The following DPP10 variants were observed in gnomAD, a reference collection of about 807,000 sequenced individuals.
The protein encoded by DPP10 is dipeptidyl peptidase like 10.
DPP10 carries 33 observed loss-of-function variants against 120.9 expected under a neutral mutation model. The ratio of observed to expected loss-of-function variants is 0.27; its 90% CI spans 0.21 to 0.37. The LOEUF is 0.37. Among genes scored for constraint, DPP10 ranks in the 10% least tolerant of loss-of-function variants. The probability of loss-of-function intolerance (pLI) is 1.00; values close to 1 mark genes in which losing one functional copy is unlikely to be tolerated. For synonymous variants in DPP10, 337 were observed against 326.1 expected (o/e 1.03, Z -0.36); for missense variants, 816 against 942.8 (o/e 0.87, Z 1.76).
chr2:114,690,279 T>G (rs1290084657), intron 1 of DPP10, among the ~76,000 whole-genome samples: 1 of 151,872 alleles, frequency 6.6e-6, no homozygotes, highest in East Asian at 1.9e-4. Flanking sequence ...AGGAACTGGT[T>G]TAGTTTCAGT....
chr2:114,923,244 C>T (rs1207018558), intron 1 of DPP10, among the ~76,000 whole-genome samples: 3 of 148,850 alleles, frequency 2.0e-5, no homozygotes, highest in Non-Finnish European at 3.0e-5. Context: ...AGTGCAGTGG[C>T]GCAATCTGAG....
At chr2:115,739,926 C>T in intron 9 of DPP10, 33 bp downstream of exon 9, 1 of 1,524,862 alleles carries the variant, frequency 6.6e-7, no homozygotes, top group Non-Finnish European at 8.9e-7. Flanking sequence ...TTTGTTCCTT[C>T]TCTCTCTCTG....
chr2:115,107,258 T>C (rs1165129681), intron 1 of DPP10, among the ~76,000 whole-genome samples: 1 of 151,920 alleles, frequency 6.6e-6, no homozygotes, highest in East Asian at 1.9e-4. Context: ...GATTTGACAG[T>C]CTATTGTTCA....
At chr2:115,614,982 A>C (rs574193784) in intron 5 of DPP10, among the ~76,000 whole-genome samples, 9 of 152,132 alleles carry the variant, frequency 5.9e-5, no homozygotes, top group Non-Finnish European at 1.3e-4. Flanking sequence ...AAATAATATA[A>C]ATTATTATTA....
intron 2 of DPP10, among the ~76,000 whole-genome samples, chr2:115,330,214 C>G (rs1366594850): frequency 1.3e-5 from 2 of 151,962 alleles, no homozygotes; most frequent in Admixed American, 6.6e-5. Context: ...TTTCATGTGT[C>G]TTTTGGCTGC....
intron 1 of DPP10, among the ~76,000 whole-genome samples, chr2:114,722,362 A>G (rs1172962345): frequency 6.6e-6 from 1 of 152,146 alleles, no homozygotes; most frequent in Non-Finnish European, 1.5e-5. Flanking sequence ...GGTAGAGAAG[A>G]TCTGAAGAAT....
intron 1 of DPP10, among the ~76,000 whole-genome samples, chr2:115,116,863 C>T (rs1009573032): frequency 9.2e-5 from 14 of 152,312 alleles, no homozygotes; most frequent in African/African-American, 3.1e-4. Context: ...AAAATCAATA[C>T]ATAATGTAAC....
chr2:114,451,089 A>G (rs1396084535), intron 1 of DPP10, among the ~76,000 whole-genome samples: 5 of 148,640 alleles, frequency 3.4e-5, no homozygotes, highest in Non-Finnish European at 4.5e-5. Context: ...TCGGCCCTTT[A>G]TTTGATTTTT....
intron 1 of DPP10, chr2:114,835,160 C>CATATCTACACACCTATGTATATATAAGA (rs1687609269): frequency 2.2e-5 from 3 of 134,986 alleles, no homozygotes; most frequent in African/African-American, 8.7e-5. Flanking sequence ...TATATATAAG[C>CATATCTACACACCTATGTATATATAAGA]CATATCTACA....
chr2:114,873,555 A>G (rs1690879489), intron 1 of DPP10, among the ~76,000 whole-genome samples: 1 of 152,122 alleles, frequency 6.6e-6, no homozygotes, highest in Non-Finnish European at 1.5e-5. Flanking sequence ...CGGTGCGTGC[A>G]TGGATGGAGC....
At chr2:114,980,298 G>T (rs543081922) in intron 1 of DPP10, among the ~76,000 whole-genome samples, 1 of 152,186 alleles carries the variant, frequency 6.6e-6, no homozygotes, top group South Asian at 2.1e-4. Context: ...TAAGAAAATA[G>T]ATAAGGAAGT....
chr2:115,388,416 C>G (rs1402448), intron 3 of DPP10, among the ~76,000 whole-genome samples: 32,306 of 152,038 alleles, frequency 0.21, 3,797 homozygotes, highest in East Asian at 0.35. Context: ...TGTCAGAGAT[C>G]AAGGGTAGGA....
rs972913648 is a variant in DPP10 at position 114,953,361 on chromosome 2, C to T, written c.61-355878C>T. Among the ~76,000 whole-genome samples, 117 of 151,970 alleles carry T rather than the reference C, an allele frequency of 7.7e-4. 1 individual carries two copies. The highest frequency in any genetic ancestry group is 2.2e-4 in the Non-Finnish European group (15 of 67,982). On this transcript the variant is annotated intron_variant, in intron 1 of 25. Transcript: ENST00000410059. ...TTAAATGGGAACAACTTCAAATGTCCTATAAACCAAAGTATTAATTAACTG... is the reference window on the plus strand; with the variant it reads ...TTAAATGGGAACAACTTCAAATGTCTTATAAACCAAAGTATTAATTAACTG...
At chr2:114,624,610 T>C (rs1030378461) in intron 1 of DPP10, among the ~76,000 whole-genome samples, 2 of 151,968 alleles carry the variant, frequency 1.3e-5, no homozygotes, top group Non-Finnish European at 2.9e-5. Context: ...ACTCCCATCA[T>C]GTGGCAGGCA....
Position 115,689,885 on chromosome 2 carries a change from G to A in DPP10, c.540G>A (p.Leu180=). 1.2e-6 allele frequency: 2 copies of A among 1,613,906 alleles called. No individual in the cohort carries two copies. Among genetic ancestry groups the A allele is most frequent in the East Asian group, 2.2e-5 (1 of 44,852 alleles). Residue 180 remains leucine, a synonymous_variant, in exon 7 of 26, where the codon TTG becomes TTA. Coordinates refer to ENST00000410059, the MANE Select transcript of DPP10 (RefSeq NM_020868.6). The part of the protein sequence containing the change: ...LNPPEVEDSV[L]QYAAWGVQGQ... ...CTCCAGAAGTAGAGGACTCCGTCTT[G>A]CAGTACGCGGCCTGGGGTGTCCAAG...
chr2:114,541,114 G>T (rs1486482162), intron 1 of DPP10, among the ~76,000 whole-genome samples: 1 of 152,178 alleles, frequency 6.6e-6, no homozygotes, highest in Non-Finnish European at 1.5e-5. Flanking sequence ...TTGGAAAATA[G>T]CTTCTCTGGC....
chr2:115,092,920 A>G (rs1173942335), intron 1 of DPP10, among the ~76,000 whole-genome samples: 1 of 152,190 alleles, frequency 6.6e-6, no homozygotes, highest in Non-Finnish European at 1.5e-5. Context: ...AGTGAGCAGT[A>G]AAAGAAATTA....
intron 1 of DPP10, among the ~76,000 whole-genome samples, chr2:114,530,884 G>A (rs1685916837): frequency 1.3e-5 from 2 of 151,924 alleles, no homozygotes; most frequent in Non-Finnish European, 2.9e-5. Context: ...AACTTCTAGG[G>A]AATCTATATT....
chr2:114,914,907 G>A lies in DPP10; in HGVS notation c.61-394332G>A, dbSNP rs1358815571. Among the ~76,000 whole-genome samples, 7 of 152,146 alleles carry A rather than the reference G, an allele frequency of 4.6e-5. No individual in the cohort carries two copies. The South Asian group carries it at 8.3e-4, about 18-fold the overall frequency. The stretch of plus-strand genomic sequence containing the variant: ...AGCACTTTGGGAGGCCGAGGCGGGC[G>A]GATCATGAGGTCAGGAGATCGAGAC... On this transcript the variant is annotated intron_variant, in intron 1 of 25. Transcript: ENST00000410059.
Sources: gnomAD v4.1 joint callset for allele counts (sites outside exome capture counted in the v4.1 genomes callset) on GRCh38, gnomAD v4.1.1 for gene constraint, MANE v1.5 for transcripts, NCBI Gene and HGNC (gene_info 2026-07-23, HGNC 2026-07-21) for gene names.